Variants in ENPEP observed in about 807,000 individuals in gnomAD.
The protein encoded by ENPEP is AP-A.
In ENPEP, 103 loss-of-function variants were observed where a neutral mutation model predicts 114.5. The observed-to-expected ratio is 0.90, with a 90% CI of 0.77 to 1.06. The LOEUF (loss-of-function observed/expected upper bound fraction) is 1.06. ENPEP is among the 50% of genes least tolerant of loss of function. ENPEP has a pLI of 0.00. For synonymous variants in ENPEP, 420 were observed against 422.0 expected, an observed-to-expected ratio of 1.00 and a Z score of 0.06; for missense variants, 1,196 against 1,161.3, an observed-to-expected ratio of 1.03 and a Z score of -0.43.
At chr4:110,482,847 A>G (rs1305754171) in intron 1 of ENPEP, among the ~76,000 whole-genome samples, 2 of 152,220 alleles carry the variant, frequency 1.3e-5, no homozygotes, top group Admixed American at 6.5e-5. Context: ...CGCCTCTACT[A>G]AAAATACAAA....
Position 110,476,944 on chromosome 4 carries a change from TTACCCCCAGCA to T in ENPEP, c.531_541del (p.Thr178TrpfsTer24), listed in dbSNP as rs755906485. 1 of 1,613,972 alleles carries T rather than the reference TTACCCCCAGCA, an allele frequency of 6.2e-7. No homozygotes were observed. The highest frequency in any genetic ancestry group is 1.3e-5 in the African/African-American group (1 of 74,896). On this transcript the variant is annotated frameshift_variant, in exon 1 of 20. Transcript: ENST00000265162. LOFTEE classifies it high-confidence loss of function. ...GTGGTGGTCGAGGCGGAGGAAGAGC[TTACCCCCAGCA>T]GTGGAGATGGCCTGTATCTCCTGAC...
rs757685915 is a variant in ENPEP at position 110,549,519 on chromosome 4, T to C, written c.2226-9T>C. 1.2e-6 allele frequency: 2 copies of C among 1,613,308 alleles called. No homozygotes were observed. The highest frequency in any genetic ancestry group is 1.7e-6 in the Non-Finnish European group (2 of 1,179,580). ...AAGGCCCTGGATTTGTGTTTGTTTG[T>C]TTTTTAAGGTTACTCCGTTCCTCCG... On this transcript the variant is annotated splice_polypyrimidine_tract_variant and intron_variant, in intron 15 of 19. Transcript: ENST00000265162.
chr4:110,557,693 C>T (rs1229443777), intron 18 of ENPEP, among the ~76,000 whole-genome samples: 1 of 152,172 alleles, frequency 6.6e-6, no homozygotes, highest in Non-Finnish European at 1.5e-5. Context: ...AGAAAGTACA[C>T]ACTTTTAGGG....
At position 110,542,873 on chromosome 4, in the gene ENPEP, T is replaced by C; in HGVS notation, c.1930T>C (p.Ser644Pro). 6.2e-7 allele frequency: 1 copy of C among 1,612,986 alleles called. No individual in the cohort carries two copies. The highest frequency in any genetic ancestry group is 8.5e-7 in the Non-Finnish European group (1 of 1,179,326). Residue 644 changes from serine to proline, a missense_variant, in exon 12 of 20, where the codon TCC (serine) becomes CCC (proline). Ser to Pro is a moderately conservative substitution (Grantham distance 74, BLOSUM62 -1). Transcript: ENST00000265162. ...ATWDSIATAL[S>P]LNHKTFSSAD... ...TTGGGACTCGATAGCTACAGCGCTC[T>C]CCTTGAACCACAAGGTAAGAGATAG...
intron 11 of ENPEP, among the ~76,000 whole-genome samples, chr4:110,537,822 T>C (rs1382726617): frequency 1.3e-5 from 2 of 152,258 alleles, no homozygotes; most frequent in Non-Finnish European, 2.9e-5. Context: ...GAATAGATAC[T>C]GTGTTAGCAG....
intron 8 of ENPEP, among the ~76,000 whole-genome samples, chr4:110,518,418 A>G (rs1411091246): frequency 2.0e-5 from 3 of 152,204 alleles, no homozygotes; most frequent in East Asian, 1.9e-4. Context: ...ACTGATTCCA[A>G]CTAATAATGA....
chr4:110,509,844 A>T (rs776747595), intron 5 of ENPEP, 37 bp downstream of exon 5: 6 of 1,593,484 alleles, frequency 3.8e-6, no homozygotes, highest in South Asian at 3.5e-5. Flanking sequence ...TTGTTTTTTT[A>T]AAGTGGCTTA....
At chr4:110,555,097 G>T (rs1401277947) in intron 18 of ENPEP, among the ~76,000 whole-genome samples, 1 of 151,858 alleles carries the variant, frequency 6.6e-6, no homozygotes, top group East Asian at 1.9e-4. Context: ...TATTTTTCAA[G>T]ATAAAAAAAG....
Position 110,531,106 on chromosome 4 carries a change from T to C in ENPEP, c.1728-92T>C, listed in dbSNP as rs961909301. 6 of 762,862 alleles carry C rather than the reference T, an allele frequency of 7.9e-6. No individual in the cohort carries two copies. In the African/African-American group the frequency reaches 8.9e-5, roughly 11 times the overall value. The allele number at this position is 762,862 out of a possible 1,614,324, so 47.3% of individuals were successfully genotyped here. ...ACTAGATAATCATTTAAAAGAAAAATATACTTGTCTATTGCTTTTTAGTGA... is the reference window on the plus strand; with the variant it reads ...ACTAGATAATCATTTAAAAGAAAAACATACTTGTCTATTGCTTTTTAGTGA... On this transcript the variant is annotated intron_variant, in intron 10 of 19. Transcript: ENST00000265162.
intron 17 of ENPEP, 62 bp downstream of exon 17, chr4:110,549,948 C>T: frequency 2.2e-6 from 3 of 1,390,330 alleles, no homozygotes; most frequent in Non-Finnish European, 1.9e-6. Context: ...GTCACAGTCT[C>T]TTTAAGAGTC....
chr4:110,494,478 C>CT (rs1238991976), intron 3 of ENPEP, among the ~76,000 whole-genome samples: 1 of 152,166 alleles, frequency 6.6e-6, no homozygotes, highest in East Asian at 1.9e-4. Context: ...CATTAACCAC[C>CT]TGCTATTCAT....
Position 110,520,490 on chromosome 4 carries a change from T to C in ENPEP, c.1727+124T>C, listed in dbSNP as rs1022008361. 7 of 1,017,022 alleles carry C rather than the reference T, an allele frequency of 6.9e-6. No individual in the cohort carries two copies. In the African/African-American group the frequency reaches 8.1e-5, roughly 12 times the overall value. 63.0% of individuals were successfully genotyped at this position (1,017,022 alleles called of 1,614,324 possible). ...ATACAAGTATAAAGCCACAGTGCCT[T>C]TAGGGGAACAAGGAATTCAAAAATA... is the stretch of plus-strand genomic sequence containing the variant. On this transcript the variant is annotated intron_variant, in intron 10 of 19. Transcript: ENST00000265162.
At chr4:110,534,324 A>G (rs575785997) in intron 11 of ENPEP, among the ~76,000 whole-genome samples, 1 of 152,236 alleles carries the variant, frequency 6.6e-6, no homozygotes, top group African/African-American at 2.4e-5. Context: ...CCTCTATTAT[A>G]AAACATTTTC....
At chr4:110,536,703 T>C (rs1476518768) in intron 11 of ENPEP, among the ~76,000 whole-genome samples, 1 of 152,160 alleles carries the variant, frequency 6.6e-6, no homozygotes, top group Non-Finnish European at 1.5e-5. Flanking sequence ...TGGAGACACA[T>C]TGACAGATCT....
chr4:110,509,025 G>T (rs1469856068), intron 4 of ENPEP, among the ~76,000 whole-genome samples: 3 of 152,136 alleles, frequency 2.0e-5, no homozygotes, highest in African/African-American at 7.2e-5. Context: ...ACATAGAACT[G>T]ATCAACACTG....
intron 3 of ENPEP, among the ~76,000 whole-genome samples, chr4:110,494,282 A>T (rs935031699): frequency 1.3e-5 from 2 of 152,168 alleles, no homozygotes; most frequent in Admixed American, 6.5e-5. Context: ...TTTATCACTA[A>T]TTTCTGAGTA....
chr4:110,492,952 A>T (rs556792990), intron 3 of ENPEP, among the ~76,000 whole-genome samples: 1 of 152,192 alleles, frequency 6.6e-6, no homozygotes, highest in Non-Finnish European at 1.5e-5. Context: ...AAATTTTTCT[A>T]TTTGAGGTAG....
chr4:110,503,007 A>G (rs1160395171), intron 3 of ENPEP, among the ~76,000 whole-genome samples: 5 of 152,012 alleles, frequency 3.3e-5, no homozygotes, highest in Admixed American at 3.3e-4. Context: ...TGCACCCATT[A>G]ACTCGTCATT....
Position 110,561,444 on chromosome 4 carries a change from A to T in ENPEP, c.2760A>T (p.Ala920=). The T allele has an allele frequency of 1.2e-6, 2 of 1,614,098 alleles. No homozygotes were observed. Among genetic ancestry groups the T allele is most frequent in the Non-Finnish European group, 1.7e-6 (2 of 1,179,962 alleles). Residue 920 remains alanine (A), a synonymous_variant, in exon 20 of 20, where the codon GCA becomes GCT. Coordinates refer to ENST00000265162, the MANE Select transcript of ENPEP (RefSeq NM_001977.4). ...SFFAKYPQAG[A]GEKPREQVLE... ...TTGCAAAATATCCACAAGCTGGAGC[A>T]GGAGAAAAACCTAGGGAACAAGTGC...
Sources: allele counts gnomAD v4.1 joint callset (sites outside exome capture counted in the v4.1 genomes callset), GRCh38; gene constraint gnomAD v4.1.1; transcripts MANE v1.5; gene names NCBI Gene and HGNC (gene_info 2026-07-23, HGNC 2026-07-21).